Variants in FHOD3 observed in about 807,000 individuals in gnomAD.
The protein encoded by FHOD3 is formin homology 2 domain containing 3.
A neutral mutation model predicts 173.0 loss-of-function variants in FHOD3; 90 were observed. That is an observed-to-expected ratio of 0.52 (90% CI 0.44 to 0.62). FHOD3 has a LOEUF of 0.62. Among genes scored for constraint, FHOD3 ranks in the 20% least tolerant of loss-of-function variants. FHOD3 has a pLI of 0.00. For synonymous variants in FHOD3, 828 were observed against 823.0 expected, an observed-to-expected ratio of 1.01 and a Z score of -0.10; for missense variants, 1,945 against 2,034.7, an observed-to-expected ratio of 0.96 and a Z score of 0.85.
Position 36,696,224 on chromosome 18 carries a change from AT to A in FHOD3, c.2236+2804del, listed in dbSNP as rs566077764. Reference sequence around the variant, plus strand: ...TAGTGTTCTGATGCCCATCTCAGCCATTTGTCATGGAGTCATGGCTCTACCA... The same window carrying A: ...TAGTGTTCTGATGCCCATCTCAGCCATTGTCATGGAGTCATGGCTCTACCA... On this transcript the variant is annotated intron_variant, in intron 17 of 28. Transcript: ENST00000590592. Among the ~76,000 whole-genome samples the A allele has an allele frequency of 4.6e-3, 695 of 152,248 alleles. 1 individual carries two copies. Among genetic ancestry groups the A allele is most frequent in the Non-Finnish European group, 8.1e-3 (549 of 68,014 alleles).
intron 1 of FHOD3, among the ~76,000 whole-genome samples, chr18:36,303,868 G>A (rs1463014330): frequency 2.6e-5 from 4 of 152,032 alleles, no homozygotes; most frequent in African/African-American, 9.7e-5. Flanking sequence ...AAGATTTTTG[G>A]GGGTGAAGGG....
intron 5 of FHOD3, among the ~76,000 whole-genome samples, chr18:36,527,998 C>T (rs2056606491): frequency 6.6e-6 from 1 of 152,152 alleles, no homozygotes; most frequent in African/African-American, 2.4e-5. Flanking sequence ...TATCCATAAC[C>T]ATTTGCCCCT....
chr18:36,726,158 A>G (rs539730678), intron 19 of FHOD3, among the ~76,000 whole-genome samples: 1 of 150,618 alleles, frequency 6.6e-6, no homozygotes, highest in African/African-American at 2.4e-5. Flanking sequence ...ATATGTAAAT[A>G]TACATGTTAC....
intron 17 of FHOD3, among the ~76,000 whole-genome samples, chr18:36,702,814 G>A (rs979379851): frequency 2.6e-5 from 4 of 152,086 alleles, no homozygotes; most frequent in African/African-American, 9.6e-5. Context: ...CTGTGTGTGT[G>A]TGCGCGTGTG....
At chr18:36,714,030 A>C (rs1215673196) in intron 18 of FHOD3, among the ~76,000 whole-genome samples, 1 of 135,434 alleles carries the variant, frequency 7.4e-6, no homozygotes, top group South Asian at 2.8e-4. Context: ...TGGGGGAAAA[A>C]GTCTGTAGGA....
intron 10 of FHOD3, among the ~76,000 whole-genome samples, chr18:36,644,814 G>T (rs573825431): frequency 6.6e-6 from 1 of 152,168 alleles, no homozygotes; most frequent in Non-Finnish European, 1.5e-5. Context: ...AGGTCACAGG[G>T]CTCAAAAGTG....
intron 27 of FHOD3, among the ~76,000 whole-genome samples, chr18:36,767,308 C>CA (rs376017493): frequency 0.012 from 1,754 of 143,840 alleles, 21 homozygotes; most frequent in African/African-American, 0.036. Flanking sequence ...TAAGCAAAAC[C>CA]AAAAAAAAAA....
chr18:36,549,248 CT>C (rs769693182), intron 5 of FHOD3, among the ~76,000 whole-genome samples: 1 of 151,950 alleles, frequency 6.6e-6, no homozygotes, highest in Admixed American at 6.6e-5. Context: ...TTGTTCAACT[CT>C]TTTTGCCAAT....
chr18:36,763,027 TTA>T (rs377718629), intron 27 of FHOD3, among the ~76,000 whole-genome samples: 3 of 130,592 alleles, frequency 2.3e-5, no homozygotes, highest in African/African-American at 5.4e-5. Flanking sequence ...ATTATACACT[TTA>T]TATATAATAT....
At chr18:36,350,925 C>T (rs562250922) in intron 1 of FHOD3, among the ~76,000 whole-genome samples, 3 of 152,288 alleles carry the variant, frequency 2.0e-5, no homozygotes, top group African/African-American at 7.2e-5. Context: ...AAACATGACC[C>T]CATCCCCACA....
intron 3 of FHOD3, among the ~76,000 whole-genome samples, chr18:36,417,128 T>A (rs866247240): frequency 6.6e-6 from 1 of 152,224 alleles, no homozygotes; most frequent in African/African-American, 2.4e-5. Flanking sequence ...GGTAAACTTA[T>A]GTCATAGGGA....
At chr18:36,692,343 G>T (rs774920422) in intron 16 of FHOD3, among the ~76,000 whole-genome samples, 1 of 152,176 alleles carries the variant, frequency 6.6e-6, no homozygotes, top group East Asian at 1.9e-4. Context: ...AAAGTTTAGT[G>T]GTAGGTAAGA....
At chr18:36,702,926 G>A (rs545413220) in intron 17 of FHOD3, among the ~76,000 whole-genome samples, 20 of 152,288 alleles carry the variant, frequency 1.3e-4, no homozygotes, top group Non-Finnish European at 2.1e-4. Flanking sequence ...TTAACAGCCC[G>A]AGCTTTGCAG....
chr18:36,675,646 C>A (rs1263437753), intron 14 of FHOD3, among the ~76,000 whole-genome samples: 1 of 152,174 alleles, frequency 6.6e-6, no homozygotes, highest in African/African-American at 2.4e-5. Context: ...GTGCAAAAAA[C>A]TCCTCTGTAG....
In FHOD3 at chr18:36,298,005, G is replaced by T; in HGVS notation, c.165+5G>T. 6 of 1,533,156 alleles carry T rather than the reference G, an allele frequency of 3.9e-6. No homozygotes were observed. The highest frequency in any genetic ancestry group is 1.2e-5 in the South Asian group (1 of 81,612). 95.0% of individuals were successfully genotyped at this position (1,533,156 alleles called of 1,614,324 possible). A position where few individuals can be genotyped will look rare whatever the true frequency, so the allele number is the denominator to read the frequency against. On this transcript the variant is annotated splice_donor_5th_base_variant and intron_variant, in intron 1 of 28. Coordinates refer to ENST00000590592, the MANE Select transcript of FHOD3 (RefSeq NM_001281740.3). ...CTGCTGCAGGCGCCGCACAAGGTAC[G>T]ACCCGGCGGGGTGGGCTGGGCCCCC...
intron 27 of FHOD3, 40 bp downstream of exon 27, chr18:36,760,822 G>C (rs1193554698): frequency 6.4e-7 from 1 of 1,560,570 alleles, no homozygotes; most frequent in South Asian, 1.2e-5. Flanking sequence ...GTCTTCTCAG[G>C]TTGGCCGCTC....
intron 3 of FHOD3, among the ~76,000 whole-genome samples, chr18:36,485,089 G>C (rs2054125810): frequency 6.6e-6 from 1 of 152,158 alleles, no homozygotes; most frequent in Non-Finnish European, 1.5e-5. Flanking sequence ...ATTTGGGGGT[G>C]GATGGGTGGT....
intron 5 of FHOD3, among the ~76,000 whole-genome samples, chr18:36,563,677 TGA>T (rs2058166920): frequency 6.6e-6 from 1 of 152,222 alleles, no homozygotes; most frequent in Non-Finnish European, 1.5e-5. Flanking sequence ...TTAAGTCCCG[TGA>T]GTTTTCTTGA....
intron 1 of FHOD3, among the ~76,000 whole-genome samples, chr18:36,335,473 C>T (rs1371879337): frequency 5.6e-5 from 8 of 144,052 alleles, no homozygotes; most frequent in African/African-American, 5.4e-5. Flanking sequence ...CCAGCCTGGG[C>T]GACAGAGCGA....
Sources: allele counts gnomAD v4.1 joint callset (sites outside exome capture counted in the v4.1 genomes callset), GRCh38; gene constraint gnomAD v4.1.1; transcripts MANE v1.5; gene names NCBI Gene and HGNC (gene_info 2026-07-23, HGNC 2026-07-21).